PCDH9: variants seen among roughly 807,000 people sequenced by gnomAD.
PCDH9 encodes the protein protocadherin-9.
Under a neutral mutation model 70.6 loss-of-function variants are expected in PCDH9, and 24 were observed. The observed-to-expected ratio is 0.34, with a 90% CI of 0.25 to 0.48. PCDH9 has a LOEUF of 0.48. Among genes scored for constraint, PCDH9 ranks in the 20% least tolerant of loss-of-function variants. The probability of loss-of-function intolerance (pLI) is 0.99; values close to 1 mark genes in which losing one functional copy is unlikely to be tolerated. For missense variants in PCDH9, 1,281 were observed against 1,503.6 expected (o/e 0.85, Z 2.45); for synonymous variants, 562 against 558.5 (o/e 1.01, Z -0.09).
chr13:66,438,386 G>A (rs1402178030), intron 4 of PCDH9, among the ~76,000 whole-genome samples: 1 of 152,044 alleles, frequency 6.6e-6, no homozygotes, highest in Admixed American at 6.6e-5. Flanking sequence ...TGAACAAATT[G>A]GGCATTCCCT....
chr13:66,829,009 T>TG (rs35488008), intron 3 of PCDH9, among the ~76,000 whole-genome samples: 3 of 64,696 alleles, frequency 4.6e-5, no homozygotes, highest in Non-Finnish European at 1.4e-4. Context: ...TCTGTGGGTC[T>TG]TTTTTTGTTT....
chr13:66,523,341 C>T (rs1174518335), intron 4 of PCDH9, among the ~76,000 whole-genome samples: 1 of 151,942 alleles, frequency 6.6e-6, no homozygotes, highest in African/African-American at 2.4e-5. Context: ...GACCATTTAA[C>T]AGTTGAGGAA....
intron 2 of PCDH9, among the ~76,000 whole-genome samples, chr13:67,024,798 A>G (rs1445884696): frequency 6.6e-6 from 1 of 152,146 alleles, no homozygotes; most frequent in Non-Finnish European, 1.5e-5. Context: ...TTGCTATTAT[A>G]TTGCAAATAG....
chr13:67,171,114 T>C (rs1055930977), intron 2 of PCDH9, among the ~76,000 whole-genome samples: 13 of 152,192 alleles, frequency 8.5e-5, no homozygotes, highest in Admixed American at 7.2e-4. Flanking sequence ...CCATTTACCA[T>C]GAACTGGTGC....
At chr13:66,489,798 T>C (rs1334807811) in intron 4 of PCDH9, among the ~76,000 whole-genome samples, 1 of 152,178 alleles carries the variant, frequency 6.6e-6, no homozygotes, top group African/African-American at 2.4e-5. Context: ...TCTTAGCAGC[T>C]TAAAATATAA....
At chr13:66,574,931 G>A (rs907994399) in intron 4 of PCDH9, among the ~76,000 whole-genome samples, 18 of 152,092 alleles carry the variant, frequency 1.2e-4, no homozygotes, top group African/African-American at 3.6e-4. Flanking sequence ...CCAGCCCTTC[G>A]GGAGGCTGAG....
intron 2 of PCDH9, among the ~76,000 whole-genome samples, chr13:67,176,968 T>C (rs1405974749): frequency 6.6e-6 from 1 of 152,124 alleles, no homozygotes; most frequent in Non-Finnish European, 1.5e-5. Context: ...ACTAAATGTG[T>C]GATCTCTCTT....
At chr13:66,932,767 TTTAAC>T (rs1200744090) in intron 2 of PCDH9, among the ~76,000 whole-genome samples, 1 of 150,428 alleles carries the variant, frequency 6.6e-6, no homozygotes, top group Non-Finnish European at 1.5e-5. Flanking sequence ...GCAAAGCTCT[TTTAAC>T]TTATACATTA....
chr13:66,993,223 A>G (rs2084039757), intron 2 of PCDH9, among the ~76,000 whole-genome samples: 1 of 152,236 alleles, frequency 6.6e-6, no homozygotes. Flanking sequence ...TATATATTTA[A>G]AAGAATAAAT....
At chr13:66,702,598 C>A (rs1453336778) in intron 3 of PCDH9, among the ~76,000 whole-genome samples, 3 of 152,130 alleles carry the variant, frequency 2.0e-5, no homozygotes, top group Non-Finnish European at 4.4e-5. Flanking sequence ...TGCCCCCCAC[C>A]AGTATACAAA....
chr13:66,617,977 A>C (rs1384481575), intron 4 of PCDH9, among the ~76,000 whole-genome samples: 1 of 152,120 alleles, frequency 6.6e-6, no homozygotes, highest in Non-Finnish European at 1.5e-5. Flanking sequence ...GTCCCTGGGG[A>C]AACTCTAGCC....
At chr13:66,635,164 C>T (rs542231118) in intron 3 of PCDH9, among the ~76,000 whole-genome samples, 79 of 152,090 alleles carry the variant, frequency 5.2e-4, no homozygotes, top group East Asian at 1.9e-4. Flanking sequence ...ACTCCTTCAG[C>T]CTCTCCAGAG....
rs189900808 is a variant in PCDH9, at chr13:66,712,560, A to T, written c.3139-81149T>A. On this transcript the variant is annotated intron_variant, in intron 3 of 4. Transcript: ENST00000377865. Reference sequence around the variant, plus strand: ...TACAACACCTTTTTATTACAATTTTAAAATAAAGTATTTTTTTGAAAGGAA... The same window carrying T: ...TACAACACCTTTTTATTACAATTTTTAAATAAAGTATTTTTTTGAAAGGAA... Among the ~76,000 whole-genome samples the T allele has an allele frequency of 2.6e-4, 39 of 152,310 alleles. 1 individual carries two copies. In the East Asian group the frequency reaches 7.1e-3, roughly 28 times the overall value.
chr13:66,717,480 A>AAAAAAAAT (rs1566145314), intron 3 of PCDH9, among the ~76,000 whole-genome samples: 2 of 44,430 alleles, frequency 4.5e-5, no homozygotes, highest in African/African-American at 1.8e-4. Context: ...AAAAAAAAAA[A>AAAAAAAAT]ATATATATAT....
intron 4 of PCDH9, among the ~76,000 whole-genome samples, chr13:66,409,398 C>T (rs144810191): frequency 6.6e-6 from 1 of 152,100 alleles, no homozygotes; most frequent in Admixed American, 6.6e-5. Context: ...TTGTTGTCCT[C>T]CCCCTTTTTT....
In PCDH9 at chr13:67,226,912, G is replaced by A. The variant is rs772687324; in HGVS notation, c.1529C>T (p.Pro510Leu). ...GTCCAGATCAAAGAAGGAGGCATTC[G>A]GTCCAAGCTGATAAACAATGTCTGC... is the stretch of plus-strand genomic sequence containing the variant. ...KNADIVYQLG[P>L]NASFFDLDRK... Residue 510 changes from proline (P) to leucine (L), a missense_variant, in exon 2 of 5, where the codon CCG (proline) becomes CTG (leucine). Physicochemically the swap from Pro to Leu is moderately conservative, Grantham distance 98 (BLOSUM62 -3). Coordinates refer to ENST00000377865, the MANE Select transcript of PCDH9 (RefSeq NM_203487.3). The surrounding 1 kb of genome is among the most constrained non-coding windows in gnomAD (Gnocchi z 5.0). 16 of 1,613,998 alleles carry A rather than the reference G, an allele frequency of 9.9e-6. 1 individual carries two copies. The highest frequency in any genetic ancestry group is 3.3e-5 in the Admixed American group (2 of 59,994).
Position 66,606,438 on chromosome 13 carries a change from G to A in PCDH9, c.3340+24772C>T, listed in dbSNP as rs188927104. 2.8e-3 allele frequency among the ~76,000 whole-genome samples: 425 copies of A among 152,152 alleles called. 5 individuals carry two copies. The highest frequency in any genetic ancestry group is 3.2e-3 in the Non-Finnish European group (219 of 67,994). ...TAACAATAAGTGCTTTGGAAAATAC[G>A]ATGAAGGGAATAGTACCGAGATTTT... is the stretch of plus-strand genomic sequence containing the variant. On this transcript the variant is annotated intron_variant, in intron 4 of 4. Coordinates refer to ENST00000377865, the MANE Select transcript of PCDH9 (RefSeq NM_203487.3).
chr13:66,970,162 A>T (rs903180519), intron 2 of PCDH9, among the ~76,000 whole-genome samples: 1 of 152,078 alleles, frequency 6.6e-6, no homozygotes, highest in Non-Finnish European at 1.5e-5. Flanking sequence ...ACTGATTAGA[A>T]TTTCAGAAAA....
At chr13:66,613,080 C>T (rs567073249) in intron 4 of PCDH9, among the ~76,000 whole-genome samples, 2 of 152,262 alleles carry the variant, frequency 1.3e-5, no homozygotes, top group East Asian at 1.9e-4. Flanking sequence ...CATGCCTCCA[C>T]CCCAGTCGCT....
Sources: gnomAD v4.1 joint callset for allele counts (sites outside exome capture counted in the v4.1 genomes callset) on GRCh38, gnomAD v4.1.1 for gene constraint, Gnocchi (gnomAD v3.1) non-coding constraint, MANE v1.5 for transcripts, NCBI Gene and HGNC (gene_info 2026-07-23, HGNC 2026-07-21) for gene names.